The following CRACD variants were observed in gnomAD, a reference collection of about 807,000 sequenced individuals.
CRACD encodes the protein capping protein inhibiting regulator of actin dynamics.
Under a neutral mutation model 106.8 loss-of-function variants are expected in CRACD, and 56 were observed. The observed-to-expected ratio is 0.52, with a 90% CI of 0.42 to 0.66. The LOEUF is 0.66. CRACD is among the 30% of genes least tolerant of loss of function. The probability of loss-of-function intolerance (pLI) is 0.00; values close to 1 mark genes in which losing one functional copy is unlikely to be tolerated. For missense variants in CRACD, 1,730 were observed against 1,623.2 expected (o/e 1.07, Z -1.13); for synonymous variants, 754 against 670.8 (o/e 1.12, Z -1.92).
At chr4:56,090,672 T>C (rs951044169) in intron 1 of CRACD, among the ~76,000 whole-genome samples, 4 of 152,042 alleles carry the variant, frequency 2.6e-5, no homozygotes, top group Admixed American at 2.6e-4. Flanking sequence ...TGGGGTTATA[T>C]GTGTAAGCCA....
rs116761751 is a variant in CRACD at position 56,219,118 on chromosome 4, C to T, written c.-189+39688C>T. Among the ~76,000 whole-genome samples the T allele has an allele frequency of 7.4e-3, 1,131 of 152,258 alleles. 14 individuals are homozygous for T. Among genetic ancestry groups the T allele is most frequent in the African/African-American group, 0.026 (1,062 of 41,534 alleles). ...ATGAATAACTTGCCTCTTCCCCAAC[C>T]CCCAGTTCTCTTCTTACCTTACTTT... On this transcript the variant is annotated intron_variant, in intron 2 of 10. Transcript: ENST00000682029.
rs1001230207 is a variant in CRACD, at chr4:56,164,282, C to T, written c.-335-15002C>T. 2.0e-5 allele frequency among the ~76,000 whole-genome samples: 3 copies of T among 151,882 alleles called. No individual in the cohort carries two copies. In the South Asian group the frequency reaches 6.2e-4, roughly 32 times the overall value. ...CCCCAGTAGCTGGGACTACAGGGGC[C>T]CGCCACCAAGCCCAGCTAATTTGTT... is the stretch of plus-strand genomic sequence containing the variant. On this transcript the variant is annotated intron_variant, in intron 1 of 10. Transcript: ENST00000682029.
intron 1 of CRACD, among the ~76,000 whole-genome samples, chr4:56,145,686 A>C (rs1227257276): frequency 6.6e-6 from 1 of 152,024 alleles, no homozygotes; most frequent in Non-Finnish European, 1.5e-5. Flanking sequence ...ATCTCAGCTC[A>C]CTGCAACCTC....
At chr4:56,243,653 A>T (rs1740500277) in intron 2 of CRACD, among the ~76,000 whole-genome samples, 2 of 152,146 alleles carry the variant, frequency 1.3e-5, no homozygotes, top group African/African-American at 4.8e-5. Flanking sequence ...TTGTGGATAC[A>T]TAGTAGGTGT....
rs188634012 is a variant in CRACD, at chr4:56,256,587, G to A, written c.-188-15734G>A. ...CTACTGTGAACTGGGCATTGTCTGAGCCACTACACCATGAAGTTAGGAAGG... is the reference window on the plus strand; with the variant it reads ...CTACTGTGAACTGGGCATTGTCTGAACCACTACACCATGAAGTTAGGAAGG... On this transcript the variant is annotated intron_variant, in intron 2 of 10. Transcript: ENST00000682029. 4.6e-5 allele frequency among the ~76,000 whole-genome samples: 7 copies of A among 151,196 alleles called. No homozygotes were observed. The East Asian group carries it at 1.4e-3, about 29-fold the overall frequency.
chr4:56,109,419 C>T lies in CRACD; in HGVS notation c.-336+60120C>T, dbSNP rs536224994. On this transcript the variant is annotated intron_variant, in intron 1 of 10. Coordinates refer to ENST00000682029, the MANE Select transcript of CRACD (RefSeq NM_001393381.1). The stretch of plus-strand genomic sequence containing the variant: ...CGGCACCTAGGTAATCCTTCGCCCA[C>T]ACTGTCACAGGTTGGAGGAGACTGA... Among the ~76,000 whole-genome samples, 56 of 152,120 alleles carry T rather than the reference C, an allele frequency of 3.7e-4. 1 individual carries two copies. Among genetic ancestry groups the T allele is most frequent in the Non-Finnish European group, 6.0e-4 (41 of 68,032 alleles).
At position 56,316,504 on chromosome 4, in the gene CRACD, G is replaced by A. The variant is rs1364433749; in HGVS notation, c.3002G>A (p.Ser1001Asn). 2 of 1,613,758 alleles carry A rather than the reference G, an allele frequency of 1.2e-6. No individual in the cohort carries two copies. The highest frequency in any genetic ancestry group is 1.7e-6 in the Non-Finnish European group (2 of 1,179,776). Reference sequence around the variant, plus strand: ...GCGGGGAGGCCGGACCCAGAGCCAAGTGAGCCGTCCAAGGAGGACCAGGAG... The same window carrying A: ...GCGGGGAGGCCGGACCCAGAGCCAAATGAGCCGTCCAAGGAGGACCAGGAG... ...RRAGRPDPEP[S>N]EPSKEDQESS... Residue 1001 changes from serine (S) to asparagine (N), a missense_variant, in exon 8 of 11, where the codon AGT becomes AAT. Ser to Asn is a conservative substitution (Grantham distance 46). Coordinates refer to ENST00000682029, the MANE Select transcript of CRACD (RefSeq NM_001393381.1).
chr4:56,315,645 G>C lies in CRACD; in HGVS notation c.2143G>C (p.Val715Leu). 1 of 1,614,232 alleles carries C rather than the reference G, an allele frequency of 6.2e-7. No individual in the cohort carries two copies. Among genetic ancestry groups the C allele is most frequent in the Non-Finnish European group, 8.5e-7 (1 of 1,180,050 alleles). The change falls in exon 8 of 11, where the codon GTC (valine) becomes CTC (leucine). Residue 715 changes from valine to leucine, a missense_variant. Physicochemically the swap from Val to Leu is conservative, Grantham distance 32. Around this residue, in one of 5 missense-constraint regions of CRACD, gnomAD observed 1,620 missense variants for 1,481.6 expected, o/e 1.09. Coordinates refer to ENST00000682029, the MANE Select transcript of CRACD (RefSeq NM_001393381.1). This position sits in a 1 kb window ranked among gnomAD's most constrained non-coding sequence, Gnocchi z 4.1. ...CGGGAACCAACGGAAGACTCCGCCA[G>C]TCAATGCAAAGTTCTCTATTATGCC... ...SRGNQRKTPP[V>L]NAKFSIMPAW...
intron 2 of CRACD, among the ~76,000 whole-genome samples, chr4:56,262,626 C>T (rs1741774565): frequency 6.6e-6 from 1 of 152,158 alleles, no homozygotes; most frequent in South Asian, 2.1e-4. Context: ...ATTGGACACT[C>T]CTGACCTACT....
chr4:56,183,285 T>TAAAATAAAATAAAATAAAATAAAAA (rs1736931242), intron 2 of CRACD, among the ~76,000 whole-genome samples: 2 of 143,558 alleles, frequency 1.4e-5, no homozygotes, highest in African/African-American at 5.7e-5. Flanking sequence ...TAAAATAAAA[T>TAAAATAAAATAAAATAAAATAAAAA]AAAAAGAATT....
chr4:56,159,696 A>G (rs1316927584), intron 1 of CRACD, among the ~76,000 whole-genome samples: 1 of 152,132 alleles, frequency 6.6e-6, no homozygotes, highest in African/African-American at 2.4e-5. Context: ...TGACCCCCCT[A>G]TAATCTGCTG....
intron 2 of CRACD, among the ~76,000 whole-genome samples, chr4:56,230,795 C>T (rs1739575255): frequency 6.6e-6 from 1 of 152,184 alleles, no homozygotes; most frequent in African/African-American, 2.4e-5. Context: ...TCCAGCATTT[C>T]TTTCAATTCT....
intron 1 of CRACD, among the ~76,000 whole-genome samples, chr4:56,090,041 CA>C (rs1733371360): frequency 6.6e-6 from 1 of 151,380 alleles, no homozygotes; most frequent in Non-Finnish European, 1.5e-5. Context: ...ATCTAGGGGC[CA>C]AAAACTACTC....
chr4:56,122,505 TTGTTTTTTGATTTC>T, intron 1 of CRACD, among the ~76,000 whole-genome samples: 1 of 152,174 alleles, frequency 6.6e-6, no homozygotes, highest in Non-Finnish European at 1.5e-5. Flanking sequence ...GATTCGAGTC[TTGTTTTTTGATTTC>T]TGCTTCATGG....
At chr4:56,151,527 A>G (rs1325540898) in intron 1 of CRACD, among the ~76,000 whole-genome samples, 2 of 152,086 alleles carry the variant, frequency 1.3e-5, no homozygotes, top group Non-Finnish European at 2.9e-5. Context: ...TGTGTTTTCT[A>G]TGAATGAGGA....
chr4:56,267,401 C>T (rs889800031), intron 2 of CRACD, among the ~76,000 whole-genome samples: 5 of 152,124 alleles, frequency 3.3e-5, no homozygotes, highest in African/African-American at 9.7e-5. Flanking sequence ...GGATTACAGG[C>T]GTGAGCCACC....
At chr4:56,274,894 G>A (rs2109655383) in intron 3 of CRACD, among the ~76,000 whole-genome samples, 1 of 152,284 alleles carries the variant, frequency 6.6e-6, no homozygotes. Flanking sequence ...ATACCCATCA[G>A]TGACAGATTG....
intron 1 of CRACD, among the ~76,000 whole-genome samples, chr4:56,139,182 T>C (rs1486814274): frequency 6.6e-6 from 1 of 152,204 alleles, no homozygotes; most frequent in Non-Finnish European, 1.5e-5. Context: ...ACTTGATTTG[T>C]GAGATTGCTT....
At chr4:56,217,427 G>A (rs1325890691) in intron 2 of CRACD, among the ~76,000 whole-genome samples, 1 of 149,772 alleles carries the variant, frequency 6.7e-6, no homozygotes, top group African/African-American at 2.4e-5. Flanking sequence ...CAGAAAGGGG[G>A]AGGTGGGGTG....
Sources: allele counts gnomAD v4.1 joint callset (sites outside exome capture counted in the v4.1 genomes callset), GRCh38; gene constraint gnomAD v4.1.1; regional missense constraint gnomAD v4.1.1; non-coding constraint Gnocchi (gnomAD v3.1); transcripts MANE v1.5; gene names NCBI Gene and HGNC (gene_info 2026-07-23, HGNC 2026-07-21).